GRID1: variants seen among roughly 807,000 people sequenced by gnomAD.
GRID1 encodes glutamate receptor ionotropic, delta-1.
A neutral mutation model predicts 98.0 loss-of-function variants in GRID1; 28 were observed. The observed-to-expected ratio is 0.29, with a 90% CI of 0.21 to 0.39. The LOEUF (loss-of-function observed/expected upper bound fraction) is 0.39. Among genes scored for constraint, GRID1 ranks in the 10% least tolerant of loss-of-function variants. The pLI is 1.00. For synonymous variants in GRID1, 553 were observed against 538.5 expected (o/e 1.03, Z -0.37); for missense variants, 1,111 against 1,340.5 (o/e 0.83, Z 2.67).
At chr10:86,309,998 A>T (rs538987747) in intron 2 of GRID1, among the ~76,000 whole-genome samples, 1 of 152,190 alleles carries the variant, frequency 6.6e-6, no homozygotes, top group East Asian at 1.9e-4. Flanking sequence ...CCACCCCTTT[A>T]TGTCCAAGCC....
chr10:85,658,789 A>G (rs779187686), intron 12 of GRID1, among the ~76,000 whole-genome samples: 5 of 152,152 alleles, frequency 3.3e-5, no homozygotes, highest in Non-Finnish European at 7.3e-5. Context: ...GAAGAGAGAA[A>G]TAAAAAAATG....
intron 4 of GRID1, among the ~76,000 whole-genome samples, chr10:86,077,418 G>A (rs4350313): frequency 0.79 from 120,155 of 152,114 alleles, 47,657 homozygotes; most frequent in East Asian, 0.93. Context: ...ACACCCTGCA[G>A]TCTGCAGCAA....
In GRID1 at chr10:85,743,204, C is replaced by T. The variant is rs548284707; in HGVS notation, c.1234-13590G>A. Among the ~76,000 whole-genome samples, 4 of 148,988 alleles carry T rather than the reference C, an allele frequency of 2.7e-5. No homozygotes were observed. In the East Asian group the frequency reaches 8.1e-4, roughly 30 times the overall value. On this transcript the variant is annotated intron_variant, in intron 8 of 15. Coordinates refer to ENST00000327946, the MANE Select transcript of GRID1 (RefSeq NM_017551.3). ...TGAGACCACCATGCTGGAGAGACCA[C>T]CTGTGGGTCCCACATGGATCCCATA...
chr10:85,961,358 G>A (rs1842264172), intron 4 of GRID1, among the ~76,000 whole-genome samples: 1 of 152,102 alleles, frequency 6.6e-6, no homozygotes, highest in Non-Finnish European at 1.5e-5. Context: ...GCTATGAGCA[G>A]ATCCCCTGTA....
At chr10:85,962,821 C>T (rs1321522567) in intron 4 of GRID1, among the ~76,000 whole-genome samples, 1 of 152,152 alleles carries the variant, frequency 6.6e-6, no homozygotes, top group East Asian at 1.9e-4. Flanking sequence ...CCCTCTACAC[C>T]CATCCTTAAT....
At chr10:85,700,559 T>C (rs1012555212) in intron 12 of GRID1, among the ~76,000 whole-genome samples, 2 of 152,166 alleles carry the variant, frequency 1.3e-5, no homozygotes, top group African/African-American at 4.8e-5. Context: ...TATTAAAAGG[T>C]GCCTGTAGTG....
chr10:85,791,141 A>G (rs1161659652), intron 8 of GRID1, among the ~76,000 whole-genome samples: 1 of 152,224 alleles, frequency 6.6e-6, no homozygotes, highest in Non-Finnish European at 1.5e-5. Context: ...AGCAGAACAC[A>G]GATGTCCTCA....
At chr10:86,283,707 A>G (rs10887573) in intron 2 of GRID1, among the ~76,000 whole-genome samples, 77,584 of 151,102 alleles carry the variant, frequency 0.51, 23,675 homozygotes, top group Non-Finnish European at 0.67. Flanking sequence ...GCCCTCACAC[A>G]CAACAGCAAA....
intron 12 of GRID1, among the ~76,000 whole-genome samples, chr10:85,669,399 A>G (rs1368492034): frequency 1.3e-5 from 2 of 152,236 alleles, no homozygotes; most frequent in Non-Finnish European, 2.9e-5. Context: ...GAGGGCTCCA[A>G]GGGCCCCTTT....
chr10:85,743,513 T>C (rs1401768113), intron 8 of GRID1, among the ~76,000 whole-genome samples: 1 of 152,092 alleles, frequency 6.6e-6, no homozygotes, highest in South Asian at 2.1e-4. Context: ...ATATAAAATA[T>C]GTGGAATTGG....
At chr10:86,037,311 C>A (rs1310853619) in intron 4 of GRID1, among the ~76,000 whole-genome samples, 1 of 152,184 alleles carries the variant, frequency 6.6e-6, no homozygotes, top group African/African-American at 2.4e-5. Flanking sequence ...CCTCAAAAAG[C>A]AGGGAGCCTG....
At chr10:86,117,850 TG>T (rs1369847842) in intron 4 of GRID1, among the ~76,000 whole-genome samples, 4 of 152,228 alleles carry the variant, frequency 2.6e-5, no homozygotes, top group African/African-American at 9.6e-5. Context: ...TTTACACTGT[TG>T]GTGAGAATGT....
At chr10:85,823,163 T>G (rs1438850503) in intron 8 of GRID1, among the ~76,000 whole-genome samples, 1 of 152,130 alleles carries the variant, frequency 6.6e-6, no homozygotes, top group African/African-American at 2.4e-5. Context: ...GTTGTGCAAA[T>G]GTACCCTAGA....
intron 4 of GRID1, among the ~76,000 whole-genome samples, chr10:86,116,774 G>A (rs765473551): frequency 2.6e-5 from 4 of 151,762 alleles, no homozygotes; most frequent in Non-Finnish European, 5.9e-5. Context: ...AGGGGCTAAG[G>A]CTCACCAACA....
rs78412059 is a variant in GRID1 at position 86,033,292 on chromosome 10, C to T, written c.726+105527G>A. Among the ~76,000 whole-genome samples the T allele has an allele frequency of 3.3e-5, 5 of 152,132 alleles. No homozygotes were observed. In the South Asian group the frequency reaches 1.0e-3, roughly 32 times the overall value. ...TTGCCCATGATCTAATTATCATCATCAAACATTTCTATTAAGAGCCCATGA... is the reference window on the plus strand; with the variant it reads ...TTGCCCATGATCTAATTATCATCATTAAACATTTCTATTAAGAGCCCATGA... On this transcript the variant is annotated intron_variant, in intron 4 of 15. Coordinates refer to ENST00000327946, the MANE Select transcript of GRID1 (RefSeq NM_017551.3).
chr10:85,661,399 C>G (rs1032850366), intron 12 of GRID1, among the ~76,000 whole-genome samples: 1 of 152,208 alleles, frequency 6.6e-6, no homozygotes, highest in Non-Finnish European at 1.5e-5. Context: ...TCCAGAAAAG[C>G]AGCATCATGC....
intron 2 of GRID1, among the ~76,000 whole-genome samples, chr10:86,311,112 C>T (rs1156961646): frequency 6.6e-6 from 1 of 152,118 alleles, no homozygotes; most frequent in Non-Finnish European, 1.5e-5. Context: ...TCTGTGCCAG[C>T]CACAGAACTA....
chr10:85,689,391 G>A (rs1466893476), intron 12 of GRID1, among the ~76,000 whole-genome samples: 1 of 151,192 alleles, frequency 6.6e-6, no homozygotes, highest in Non-Finnish European at 1.5e-5. Context: ...TAAATTGTAA[G>A]AAGGACACAT....
At chr10:85,984,408 G>A (rs776579319) in intron 4 of GRID1, among the ~76,000 whole-genome samples, 3 of 152,204 alleles carry the variant, frequency 2.0e-5, no homozygotes, top group Non-Finnish European at 2.9e-5. Context: ...GCCACCTGGG[G>A]CCAAGGCATG....
Sources: gnomAD v4.1 joint callset for allele counts (sites outside exome capture counted in the v4.1 genomes callset) on GRCh38, gnomAD v4.1.1 for gene constraint, MANE v1.5 for transcripts, NCBI Gene and HGNC (gene_info 2026-07-23, HGNC 2026-07-21) for gene names.